CNTN4: variants seen among roughly 807,000 people sequenced by gnomAD.
CNTN4 encodes contactin-4.
CNTN4 carries 77 observed loss-of-function variants against 122.5 expected under a neutral mutation model. The ratio of observed to expected loss-of-function variants is 0.63; its 90% CI spans 0.52 to 0.76. The LOEUF (loss-of-function observed/expected upper bound fraction) is 0.76. Among genes scored for constraint, CNTN4 ranks in the 30% least tolerant of loss-of-function variants. The probability of loss-of-function intolerance (pLI) is 0.00; values close to 1 mark genes in which losing one functional copy is unlikely to be tolerated. For synonymous variants in CNTN4, 512 were observed against 447.0 expected (o/e 1.15, Z -1.83); for missense variants, 1,256 against 1,259.1 (o/e 1.00, Z 0.04).
chr3:2,326,555 A>T (rs2043473690), intron 2 of CNTN4, among the ~76,000 whole-genome samples: 1 of 151,598 alleles, frequency 6.6e-6, no homozygotes, highest in African/African-American at 2.4e-5. Flanking sequence ...TTCTCTGGAG[A>T]ACTCTGCTAC....
At chr3:2,585,535 T>G (rs1421232402) in intron 4 of CNTN4, among the ~76,000 whole-genome samples, 1 of 152,076 alleles carries the variant, frequency 6.6e-6, no homozygotes, top group Non-Finnish European at 1.5e-5. Context: ...TCATGTCCTT[T>G]GTAGGGACAT....
At chr3:2,363,530 C>A (rs2045247920) in intron 3 of CNTN4, among the ~76,000 whole-genome samples, 1 of 152,130 alleles carries the variant, frequency 6.6e-6, no homozygotes, top group African/African-American at 2.4e-5. Flanking sequence ...TATATAACAA[C>A]CATGTGAGGT....
chr3:2,910,325 A>G (rs1011143888), intron 12 of CNTN4, among the ~76,000 whole-genome samples: 2 of 152,240 alleles, frequency 1.3e-5, no homozygotes, highest in Non-Finnish European at 2.9e-5. Context: ...CTGAGCATTA[A>G]TACTTTATAT....
At chr3:2,792,401 A>T (rs2092039720) in intron 6 of CNTN4, among the ~76,000 whole-genome samples, 1 of 152,222 alleles carries the variant, frequency 6.6e-6, no homozygotes, top group Non-Finnish European at 1.5e-5. Context: ...TCCTAGTTTG[A>T]CAGAAATAAC....
At chr3:2,677,501 T>TCTAC (rs2084935534) in intron 4 of CNTN4, among the ~76,000 whole-genome samples, 1 of 146,738 alleles carries the variant, frequency 6.8e-6, no homozygotes, top group Admixed American at 6.8e-5. Flanking sequence ...TATCTATCTA[T>TCTAC]CTATCTATCT....
At chr3:2,917,074 C>T (rs1175368169) in intron 12 of CNTN4, among the ~76,000 whole-genome samples, 4 of 127,738 alleles carry the variant, frequency 3.1e-5, no homozygotes, top group Admixed American at 8.1e-5. Context: ...CCGAGGCTGG[C>T]GGATCACTCG....
At chr3:2,850,277 C>T (rs1354045858) in intron 7 of CNTN4, among the ~76,000 whole-genome samples, 2 of 152,136 alleles carry the variant, frequency 1.3e-5, no homozygotes, top group African/African-American at 4.8e-5. Context: ...CGTGAGCCTC[C>T]GCGCCTGGCC....
intron 10 of CNTN4, among the ~76,000 whole-genome samples, chr3:2,890,127 C>T (rs752437271): frequency 2.6e-5 from 4 of 152,250 alleles, no homozygotes; most frequent in Admixed American, 6.5e-5. Flanking sequence ...TTGACTTCCA[C>T]AGCACTTGGC....
intron 7 of CNTN4, among the ~76,000 whole-genome samples, chr3:2,847,542 T>C (rs1577039766): frequency 6.6e-6 from 1 of 152,226 alleles, no homozygotes; most frequent in Admixed American, 6.5e-5. Flanking sequence ...ATGCTGGCTG[T>C]GACTTTGTGC....
At chr3:2,485,505 G>A (rs770999516) in intron 3 of CNTN4, among the ~76,000 whole-genome samples, 73 of 152,070 alleles carry the variant, frequency 4.8e-4, no homozygotes, top group Non-Finnish European at 9.3e-4. Context: ...CTGATCTGGT[G>A]GGGACTTGGA....
At chr3:2,484,945 C>T (rs1036127628) in intron 3 of CNTN4, among the ~76,000 whole-genome samples, 8 of 152,284 alleles carry the variant, frequency 5.3e-5, no homozygotes, top group South Asian at 2.1e-4. Context: ...CTGCACCCTG[C>T]GCTCACCGGC....
chr3:2,213,533 C>A (rs531662608), intron 2 of CNTN4, among the ~76,000 whole-genome samples: 36 of 152,178 alleles, frequency 2.4e-4, no homozygotes, highest in Admixed American at 3.3e-4. Flanking sequence ...AGCAGTGTTT[C>A]TCCACCAAGA....
At chr3:2,844,749 A>G (rs2093426162) in intron 7 of CNTN4, among the ~76,000 whole-genome samples, 1 of 152,254 alleles carries the variant, frequency 6.6e-6, no homozygotes, top group Non-Finnish European at 1.5e-5. Context: ...CTAATCAGCA[A>G]GAGTCTATTT....
intron 3 of CNTN4, among the ~76,000 whole-genome samples, chr3:2,350,661 CTCT>C (rs2150437594): frequency 6.6e-6 from 1 of 152,268 alleles, no homozygotes; most frequent in South Asian, 2.1e-4. Context: ...CTTGTAATGT[CTCT>C]TCATTAAGTT....
intron 2 of CNTN4, among the ~76,000 whole-genome samples, chr3:2,291,052 T>A (rs952871696): frequency 3.9e-5 from 6 of 152,342 alleles, no homozygotes; most frequent in Non-Finnish European, 8.8e-5. Flanking sequence ...TCCTGACTTA[T>A]ACTGTAGCTG....
intron 4 of CNTN4, among the ~76,000 whole-genome samples, chr3:2,719,800 G>A (rs2149387132): frequency 6.6e-6 from 1 of 152,278 alleles, no homozygotes; most frequent in Non-Finnish European, 1.5e-5. Context: ...GGTGGGCTAA[G>A]CCTCAGCTAG....
At chr3:2,254,294 T>C (rs2040491923) in intron 2 of CNTN4, among the ~76,000 whole-genome samples, 1 of 152,188 alleles carries the variant, frequency 6.6e-6, no homozygotes, top group African/African-American at 2.4e-5. Flanking sequence ...CTGTCATTGA[T>C]GGGCATACGG....
Position 2,209,537 on chromosome 3 carries a change from T to A in CNTN4, c.-145+108898T>A, listed in dbSNP as rs2038513417. 2.0e-5 allele frequency among the ~76,000 whole-genome samples: 3 copies of A among 152,150 alleles called. No individual in the cohort carries two copies. The South Asian group carries it at 6.2e-4, about 32-fold the overall frequency. On this transcript the variant is annotated intron_variant, in intron 2 of 24. Transcript: ENST00000418658. ...TCTCCCTAGTAACAAAAAAGGTCCC[T>A]GTTTTTTAAGCACTGTGGTCTCCTT...
At chr3:2,712,714 G>A (rs1481336582) in intron 4 of CNTN4, among the ~76,000 whole-genome samples, 2 of 152,194 alleles carry the variant, frequency 1.3e-5, no homozygotes, top group African/African-American at 4.8e-5. Flanking sequence ...GAAAGACAAA[G>A]TCATGCTTAG....
Sources: allele counts gnomAD v4.1 joint callset (sites outside exome capture counted in the v4.1 genomes callset), GRCh38; gene constraint gnomAD v4.1.1; transcripts MANE v1.5; gene names NCBI Gene and HGNC (gene_info 2026-07-23, HGNC 2026-07-21).